The following UNC13B variants were observed in gnomAD, a reference collection of about 807,000 sequenced individuals.
The protein encoded by UNC13B is protein unc-13 homolog B.
Under a neutral mutation model 211.0 loss-of-function variants are expected in UNC13B, and 144 were observed. The observed-to-expected ratio is 0.68, with a 90% confidence interval of 0.60 to 0.78. UNC13B has a LOEUF of 0.78. Ranked by LOEUF, UNC13B falls within the 30% of genes least tolerant of loss-of-function variation. The probability of loss-of-function intolerance (pLI) is 0.00; values close to 1 mark genes in which losing one functional copy is unlikely to be tolerated. For synonymous variants in UNC13B, 709 were observed against 725.8 expected, an observed-to-expected ratio of 0.98 and a Z score of 0.37; for missense variants, 1,777 against 2,002.0, an observed-to-expected ratio of 0.89 and a Z score of 2.14.
intron 4 of UNC13B, among the ~76,000 whole-genome samples, chr9:35,237,291 T>C (rs1299535006): frequency 6.6e-6 from 1 of 152,192 alleles, no homozygotes; most frequent in African/African-American, 2.4e-5. Flanking sequence ...GCTAAGTCTC[T>C]ACTCCCCAGG....
rs1368164667 is a variant in UNC13B, at chr9:35,401,845, T to C, written c.12485-1322T>C. ...CCCACCTCTGTGCTCCCTCAGAATA[T>C]GTGTAGAGCTGCTTTGAATGGCTGT... On this transcript the variant is annotated intron_variant, in intron 37 of 39. Transcript: ENST00000635942. 9 of 1,049,580 alleles carry C rather than the reference T, an allele frequency of 8.6e-6. No homozygotes were observed. In the East Asian group the frequency reaches 1.6e-4, roughly 19 times the overall value. 65.0% of individuals were successfully genotyped at this position (1,049,580 alleles called of 1,614,324 possible). A position where few individuals can be genotyped will look rare whatever the true frequency, so the allele number is the denominator to read the frequency against.
chr9:35,367,078 C>A, intron 12 of UNC13B, 85 bp downstream of exon 12: 1 of 1,348,602 alleles, frequency 7.4e-7, no homozygotes, highest in Non-Finnish European at 1.1e-6. Context: ...GCAGGGGAAC[C>A]AGCTTCATAA....
At chr9:35,350,433 G>T (rs978662672) in intron 11 of UNC13B, among the ~76,000 whole-genome samples, 2 of 152,212 alleles carry the variant, frequency 1.3e-5, no homozygotes, top group African/African-American at 4.8e-5. Context: ...CAGTGTGCTG[G>T]ACAATCACTT....
intron 11 of UNC13B, chr9:35,342,441 A>G: frequency 1.1e-6 from 1 of 880,316 alleles, no homozygotes; most frequent in Non-Finnish European, 1.4e-6. Context: ...TTAATTACGT[A>G]ATTGCTTGAG....
intron 1 of UNC13B, among the ~76,000 whole-genome samples, chr9:35,203,275 G>A (rs1823429487): frequency 6.6e-6 from 1 of 152,202 alleles, no homozygotes; most frequent in African/African-American, 2.4e-5. Context: ...AATTTGGCAT[G>A]TTTTTGCAGT....
rs867872838 is a variant in UNC13B, at chr9:35,386,185, T to C, written c.10986T>C (p.Pro3662=). Residue 3662 remains proline, a synonymous_variant, in exon 24 of 40, where the codon CCT becomes CCC. Coordinates refer to ENST00000635942, the MANE Select transcript of UNC13B (RefSeq NM_001371189.2). ...GGCAGGTACAAGAACTGCAAAGCCC[T>C]CCAAGAGCCAGCCAGGTGGTAAAGG... ...FRMKVQELQS[P]PRASQVVKDC... The C allele has an allele frequency of 1.2e-6, 2 of 1,614,150 alleles. No individual in the cohort carries two copies. Among genetic ancestry groups the C allele is most frequent in the Middle Eastern group, 3.3e-4 (2 of 6,060 alleles).
intron 7 of UNC13B, among the ~76,000 whole-genome samples, chr9:35,284,378 C>T (rs1478317932): frequency 6.6e-6 from 1 of 152,274 alleles, no homozygotes; most frequent in Non-Finnish European, 1.5e-5. Flanking sequence ...GGATGTTGAA[C>T]ATTTCAAAAT....
chr9:35,325,288 A>G (rs1333924520), intron 11 of UNC13B, among the ~76,000 whole-genome samples: 1 of 152,152 alleles, frequency 6.6e-6, no homozygotes, highest in African/African-American at 2.4e-5. Flanking sequence ...TTGCCTAAAA[A>G]TCTCTAGAAA....
In UNC13B at chr9:35,384,342, A is replaced by G. The variant is rs1835047669; in HGVS notation, c.10875+28A>G. On this transcript the variant is annotated intron_variant, in intron 22 of 39. Transcript: ENST00000635942. ...GAGTGAAGACACGGCTGTGGGCAGG[A>G]TAATAGATATCAAGCACGGTCCCAG... 8.7e-6 allele frequency: 14 copies of G among 1,610,734 alleles called. 1 individual carries two copies. Among genetic ancestry groups the G allele is most frequent in the Non-Finnish European group, 1.2e-5 (14 of 1,178,212 alleles).
intron 1 of UNC13B, among the ~76,000 whole-genome samples, chr9:35,175,706 T>C (rs1205265626): frequency 6.6e-6 from 1 of 151,986 alleles, no homozygotes; most frequent in African/African-American, 2.4e-5. Flanking sequence ...AGTTCTGCAG[T>C]GAAGAGTAGG....
chr9:35,334,881 T>C (rs529937564), intron 11 of UNC13B, among the ~76,000 whole-genome samples: 2 of 151,984 alleles, frequency 1.3e-5, no homozygotes, highest in South Asian at 2.1e-4. Flanking sequence ...CTACTAAAAG[T>C]ACAAAAATTA....
At chr9:35,234,216 A>G (rs929591963) in intron 3 of UNC13B, among the ~76,000 whole-genome samples, 1 of 152,116 alleles carries the variant, frequency 6.6e-6, no homozygotes, top group African/African-American at 2.4e-5. Flanking sequence ...CCTGGGCTCA[A>G]ATGATTTTCC....
At chr9:35,231,340 G>A (rs868551586) in intron 3 of UNC13B, 121 bp downstream of exon 3, 3 of 619,636 alleles carry the variant, frequency 4.8e-6, no homozygotes, top group Middle Eastern at 3.4e-4. Flanking sequence ...TACTGGCACT[G>A]TTAAATACTG....
Position 35,305,757 on chromosome 9 carries a change from A to G in UNC13B, c.6353A>G (p.Asn2118Ser), listed in dbSNP as rs934933872. The G allele has an allele frequency of 7.5e-6, 3 of 398,924 alleles. No individual in the cohort carries two copies. The highest frequency in any genetic ancestry group is 4.1e-5 in the African/African-American group (2 of 48,646). 24.7% of individuals were successfully genotyped at this position (398,924 alleles called of 1,614,324 possible). A position where few individuals can be genotyped will look rare whatever the true frequency, so the allele number is the denominator to read the frequency against. The change falls in exon 9 of 40, where the codon AAT (asparagine) becomes AGT (serine). Residue 2118 changes from asparagine (N) to serine (S), a missense_variant. Coordinates refer to ENST00000635942, the MANE Select transcript of UNC13B (RefSeq NM_001371189.2). ...ACAGTGACAGAAGTTTCAAAAAGTA[A>G]TGAAATATCCTTTGATACCCTGAGC... The part of the protein sequence containing the change: ...VTTVTEVSKS[N>S]EISFDTLSKR...
chr9:35,257,580 C>CCAAAAAA (rs1827002105), intron 6 of UNC13B, among the ~76,000 whole-genome samples: 1 of 36,378 alleles, frequency 2.7e-5, no homozygotes, highest in Non-Finnish European at 4.1e-5. Context: ...GAATCTGTAT[C>CCAAAAAA]AAAAAAAAAA....
At chr9:35,389,780 G>T in intron 24 of UNC13B, 66 bp from the exon 25 acceptor site, 1 of 1,558,660 alleles carries the variant, frequency 6.4e-7, no homozygotes, top group Non-Finnish European at 8.8e-7. Context: ...GAGGATCGTT[G>T]GAGACACCCT....
At chr9:35,264,002 A>G (rs1220201059) in intron 7 of UNC13B, among the ~76,000 whole-genome samples, 4 of 152,224 alleles carry the variant, frequency 2.6e-5, no homozygotes, top group African/African-American at 9.6e-5. Flanking sequence ...CAAGAAGACT[A>G]CTGCAGATTT....
intron 7 of UNC13B, among the ~76,000 whole-genome samples, chr9:35,260,912 A>G (rs934566722): frequency 6.6e-6 from 1 of 152,208 alleles, no homozygotes; most frequent in Non-Finnish European, 1.5e-5. Context: ...GATGAAATAT[A>G]ATTGAAGCGA....
intron 1 of UNC13B, among the ~76,000 whole-genome samples, chr9:35,198,658 G>T (rs182229089): frequency 3.6e-4 from 55 of 152,230 alleles, no homozygotes; most frequent in Admixed American, 1.8e-3. Context: ...ATAGAAGGAT[G>T]AGGGAAAAAT....
Sources: gnomAD v4.1 joint callset for allele counts (sites outside exome capture counted in the v4.1 genomes callset) on GRCh38, gnomAD v4.1.1 for gene constraint, MANE v1.5 for transcripts, NCBI Gene and HGNC (gene_info 2026-07-23, HGNC 2026-07-21) for gene names.